The following AFG2A variants were observed in gnomAD, a reference collection of about 807,000 sequenced individuals.
AFG2A encodes the protein AAA ATPase AFG2A.
chr4:122,997,678 T>C, the AFG2A span, among the ~76,000 whole-genome samples: 1 of 152,210 alleles, frequency 6.6e-6, no homozygotes, highest in African/African-American at 2.4e-5. Context: ...TGCTGAGTCA[T>C]ATGGTAACTT....
the AFG2A span, among the ~76,000 whole-genome samples, chr4:122,941,673 GAA>G: frequency 6.6e-6 from 1 of 151,762 alleles, no homozygotes; most frequent in Admixed American, 6.6e-5. Flanking sequence ...ACACTATGTT[GAA>G]TAGGAGTGTT....
chr4:123,005,061 T>G, the AFG2A span, among the ~76,000 whole-genome samples: 1 of 152,208 alleles, frequency 6.6e-6, no homozygotes, highest in Non-Finnish European at 1.5e-5. Flanking sequence ...TGTCCGGTCT[T>G]TCATTTTTGA....
the AFG2A span, among the ~76,000 whole-genome samples, chr4:123,096,091 A>G: frequency 6.6e-6 from 1 of 152,106 alleles, no homozygotes; most frequent in Non-Finnish European, 1.5e-5. Flanking sequence ...GCTATGTCAC[A>G]TTTACATGTC....
the AFG2A span, among the ~76,000 whole-genome samples, chr4:123,245,571 G>A: frequency 6.6e-6 from 1 of 152,248 alleles, no homozygotes; most frequent in Admixed American, 6.5e-5. Flanking sequence ...AATAACTTAA[G>A]TATGTGTATG....
chr4:123,257,233 CCATAGA>C, the AFG2A span, among the ~76,000 whole-genome samples: 1 of 152,024 alleles, frequency 6.6e-6, no homozygotes, highest in African/African-American at 2.4e-5. Context: ...GCCCCAAGAA[CCATAGA>C]TATAGATATA....
At chr4:122,988,654 TAA>T in the AFG2A span, among the ~76,000 whole-genome samples, 6 of 152,056 alleles carry the variant, frequency 3.9e-5, no homozygotes, top group Admixed American at 3.3e-4. Context: ...CTCAGCCTCC[TAA>T]AGTGCTGGGG....
At chr4:123,034,712 A>G in the AFG2A span, among the ~76,000 whole-genome samples, 1 of 152,180 alleles carries the variant, frequency 6.6e-6, no homozygotes, top group Non-Finnish European at 1.5e-5. Context: ...AATAAGGGCA[A>G]CAGTGTACAT....
At chr4:123,135,217 G>C in the AFG2A span, among the ~76,000 whole-genome samples, 1 of 80,504 alleles carries the variant, frequency 1.2e-5, no homozygotes, top group East Asian at 1.9e-3. Flanking sequence ...ATCCTGTCAT[G>C]ATTAAAAATC....
chr4:122,947,104 G>A, the AFG2A span: 143 of 757,242 alleles, frequency 1.9e-4, 1 homozygote, highest in African/African-American at 1.2e-3. Context: ...TAATGAAAGC[G>A]TAAGAAATAG....
the AFG2A span, among the ~76,000 whole-genome samples, chr4:123,224,453 A>C: frequency 5.3e-5 from 8 of 151,800 alleles, no homozygotes; most frequent in East Asian, 1.6e-3. Context: ...GAGTGAGAAC[A>C]TGCGGTGTTT....
chr4:123,250,901 A>G, the AFG2A span, among the ~76,000 whole-genome samples: 2 of 152,170 alleles, frequency 1.3e-5, no homozygotes, highest in African/African-American at 4.8e-5. Flanking sequence ...AGTATTTTTA[A>G]AGAAATTCTA....
the AFG2A span, among the ~76,000 whole-genome samples, chr4:123,122,848 A>T: frequency 6.6e-6 from 1 of 150,400 alleles, no homozygotes; most frequent in Non-Finnish European, 1.5e-5. Context: ...CTCTTTATCC[A>T]CATGTGTTTA....
At chr4:123,006,761 A>G in the AFG2A span, among the ~76,000 whole-genome samples, 1,286 of 152,240 alleles carry the variant, frequency 8.4e-3, 9 homozygotes, top group Middle Eastern at 0.024. Context: ...TTATTTGCAC[A>G]AAGGTAATGC....
the AFG2A span, among the ~76,000 whole-genome samples, chr4:123,016,675 C>T: frequency 1.6e-4 from 23 of 142,450 alleles, no homozygotes; most frequent in African/African-American, 4.5e-4. Flanking sequence ...ACGTCCCAGA[C>T]GATGGGCGGC....
At chr4:123,262,094 T>G in the AFG2A span, among the ~76,000 whole-genome samples, 1 of 152,158 alleles carries the variant, frequency 6.6e-6, no homozygotes, top group South Asian at 2.1e-4. Flanking sequence ...TATTTTAATA[T>G]GAGCAGCTGC....
At chr4:123,204,341 C>T in the AFG2A span, among the ~76,000 whole-genome samples, 1 of 152,124 alleles carries the variant, frequency 6.6e-6, no homozygotes, top group Non-Finnish European at 1.5e-5. Flanking sequence ...ACTTTATATT[C>T]CCACCAGTAA....
the AFG2A span, among the ~76,000 whole-genome samples, chr4:123,046,018 A>G: frequency 6.6e-6 from 1 of 151,680 alleles, no homozygotes; most frequent in African/African-American, 2.4e-5. Context: ...GATCACTTGA[A>G]CCTGGGAAGC....
chr4:123,200,953 A>G, the AFG2A span, among the ~76,000 whole-genome samples: 1 of 152,232 alleles, frequency 6.6e-6, no homozygotes, highest in Admixed American at 6.5e-5. Context: ...TACAGTTTAG[A>G]GAGCCAGGTT....
At chr4:123,223,845 A>G in the AFG2A span, among the ~76,000 whole-genome samples, 1 of 152,180 alleles carries the variant, frequency 6.6e-6, no homozygotes, top group African/African-American at 2.4e-5. Flanking sequence ...TGGTTTGCAA[A>G]TGTTTTCTCC....
Sources: allele counts gnomAD v4.1 joint callset (sites outside exome capture counted in the v4.1 genomes callset), GRCh38; gene constraint gnomAD v4.1.1; transcripts MANE v1.5; gene names NCBI Gene and HGNC (gene_info 2026-07-23, HGNC 2026-07-21).